Variants in CUL4A observed in about 807,000 individuals in gnomAD.
The protein encoded by CUL4A is cullin 4A.
In CUL4A, 16 loss-of-function variants were observed where a neutral mutation model predicts 95.5. That is an observed-to-expected ratio of 0.17 (90% CI 0.11 to 0.25). The LOEUF is 0.25. CUL4A is among the 10% of genes least tolerant of loss of function. CUL4A has a pLI of 1.00. For missense variants in CUL4A, 610 were observed against 937.0 expected, an observed-to-expected ratio of 0.65 and a Z score of 4.56; for synonymous variants, 380 against 353.1, an observed-to-expected ratio of 1.08 and a Z score of -0.85.
At chr13:113,242,796 G>A (rs1359002528) in intron 10 of CUL4A, among the ~76,000 whole-genome samples, 172 bp from the exon 11 acceptor site, 1 of 152,158 alleles carries the variant, frequency 6.6e-6, no homozygotes, top group South Asian at 2.1e-4. Flanking sequence ...AAAAAAAAGT[G>A]TATTCACTTA....
chr13:113,239,691 G>A (rs2041651488), intron 10 of CUL4A, 140 bp downstream of exon 10: 1 of 608,186 alleles, frequency 1.6e-6, no homozygotes, highest in South Asian at 2.2e-5. Context: ...AGATGATAGG[G>A]TGGACAGTAG....
chr13:113,241,906 C>T (rs2041723759), intron 10 of CUL4A, among the ~76,000 whole-genome samples: 1 of 152,066 alleles, frequency 6.6e-6, no homozygotes, highest in East Asian at 1.9e-4. Context: ...TTTTTTAAAT[C>T]CAATCATTGT....
intron 19 of CUL4A, among the ~76,000 whole-genome samples, 176 bp downstream of exon 19, chr13:113,260,935 T>G (rs3861724): frequency 1.3e-5 from 2 of 152,188 alleles, no homozygotes; most frequent in East Asian, 3.8e-4. Context: ...TGTTGCTCAT[T>G]GCCACTGCAG....
Position 113,244,986 on chromosome 13 carries a change from G to A in CUL4A, c.1371G>A (p.Leu457=). The A allele has an allele frequency of 6.2e-7, 1 of 1,613,794 alleles. No homozygotes were observed. Among genetic ancestry groups the A allele is most frequent in the Non-Finnish European group, 8.5e-7 (1 of 1,179,684 alleles). ...TTGAAGCATTTTATAAAAAAGATTT[G>A]GCAAAAAGACTCCTTGTTGGGAAAA... is the stretch of plus-strand genomic sequence containing the variant. ...DVFEAFYKKD[L]AKRLLVGKSA... is the part of the protein sequence containing the mutation. Residue 457 remains leucine (L), a synonymous_variant, in exon 13 of 20, where the codon TTG becomes TTA. Transcript: ENST00000375440.
intron 3 of CUL4A, among the ~76,000 whole-genome samples, chr13:113,221,038 G>T (rs1434639976): frequency 6.6e-6 from 1 of 152,224 alleles, no homozygotes; most frequent in African/African-American, 2.4e-5. Flanking sequence ...GGCATGTGAA[G>T]CATCTGGGGC....
rs1392315404 is a variant in CUL4A, at chr13:113,265,946, A to G, written c.*2364A>G. ...TCTGTGACTGAAGAAAGAATTCACC[A>G]AGTTAACCAGACACAAAATTAACAA... is the stretch of plus-strand genomic sequence containing the variant. On this transcript the variant is annotated 3_prime_UTR_variant, in exon 20 of 20. Coordinates refer to ENST00000375440, the MANE Select transcript of CUL4A (RefSeq NM_001008895.4). The G allele has an allele frequency of 6.6e-6, 1 of 152,226 alleles. No individual in the cohort carries two copies. The highest frequency in any genetic ancestry group is 1.9e-4 in the East Asian group (1 of 5,202). 9.4% of individuals were successfully genotyped at this position (152,226 alleles called of 1,614,324 possible). A position where few individuals can be genotyped will look rare whatever the true frequency, so the allele number is the denominator to read the frequency against.
rs376759372 is a variant in CUL4A, at chr13:113,233,230, A to G, written c.566A>G (p.Gln189Arg). Residue 189 changes from glutamine (Q) to arginine (R), a missense_variant, in exon 6 of 20, where the codon CAG (glutamine) becomes CGG (arginine). Gln to Arg is a conservative substitution (Grantham distance 43). Transcript: ENST00000375440. ...RTHIISDKMV[Q>R]SKTIDGILLL... is the part of the protein sequence containing the mutation. ...CATATTATTAGTGATAAAATGGTTCAGAGTAAAACCATTGATGGAATCCTA... is the reference window on the plus strand; with the variant it reads ...CATATTATTAGTGATAAAATGGTTCGGAGTAAAACCATTGATGGAATCCTA... 101 of 1,613,922 alleles carry G rather than the reference A, an allele frequency of 6.3e-5. No homozygotes were observed. The highest frequency in any genetic ancestry group is 8.3e-5 in the Non-Finnish European group (98 of 1,179,922).
intron 5 of CUL4A, among the ~76,000 whole-genome samples, chr13:113,232,142 A>C (rs2041354641): frequency 7.3e-6 from 1 of 136,142 alleles, no homozygotes; most frequent in African/African-American, 3.3e-5. Flanking sequence ...CTACCCGCCC[A>C]CCACCATTAC....
intron 10 of CUL4A, among the ~76,000 whole-genome samples, chr13:113,240,678 G>A (rs1394979498): frequency 6.6e-6 from 1 of 152,198 alleles, no homozygotes; most frequent in African/African-American, 2.4e-5. Flanking sequence ...TTTAGAAATG[G>A]AGGATAGATG....
intron 18 of CUL4A, among the ~76,000 whole-genome samples, chr13:113,258,283 G>A (rs1004951513): frequency 2.0e-5 from 3 of 152,156 alleles, no homozygotes; most frequent in Non-Finnish European, 4.4e-5. Context: ...GAGCCACCGT[G>A]CCCGGCACCA....
At chr13:113,247,715 C>G (rs2041891969) in intron 15 of CUL4A, among the ~76,000 whole-genome samples, 1 of 152,198 alleles carries the variant, frequency 6.6e-6, no homozygotes, top group Non-Finnish European at 1.5e-5. Context: ...AGCCTGCTTT[C>G]CACGCTGGCC....
chr13:113,243,205 T>C (rs2041769351), intron 11 of CUL4A, 45 bp downstream of exon 11: 1 of 1,533,202 alleles, frequency 6.5e-7, no homozygotes, highest in African/African-American at 1.4e-5. Flanking sequence ...TTTGAGACAG[T>C]CTCACCCATT....
chr13:113,262,850 T>C (rs2042320404), intron 19 of CUL4A: 1 of 135,128 alleles, frequency 7.4e-6, no homozygotes, highest in African/African-American at 2.8e-5. Context: ...TGATGGCAGA[T>C]GTCGGATCTG....
intron 2 of CUL4A, among the ~76,000 whole-genome samples, chr13:113,217,385 C>T (rs2040733640): frequency 6.6e-6 from 1 of 151,994 alleles, no homozygotes. Flanking sequence ...GTAGGAATTC[C>T]GTTTCTATAG....
chr13:113,222,471 G>A (rs1025816419), intron 3 of CUL4A, among the ~76,000 whole-genome samples: 1 of 151,994 alleles, frequency 6.6e-6, no homozygotes. Flanking sequence ...TCGTGGTCAC[G>A]TTGATTTGGA....
At chr13:113,228,693 G>T (rs2041196921) in intron 4 of CUL4A, among the ~76,000 whole-genome samples, 1 of 151,972 alleles carries the variant, frequency 6.6e-6, no homozygotes, top group East Asian at 1.9e-4. Flanking sequence ...GGATCATCCT[G>T]CATCCCTCAC....
intron 3 of CUL4A, chr13:113,219,520 C>T (rs143674688): frequency 4.8e-4 from 75 of 155,084 alleles, no homozygotes; most frequent in Admixed American, 1.1e-3. Context: ...TTTGCTAGCA[C>T]GGGCAGGCAG....
intron 8 of CUL4A, 91 bp downstream of exon 8, chr13:113,235,236 A>C (rs1566348981): frequency 4.7e-6 from 4 of 852,396 alleles, no homozygotes; most frequent in Non-Finnish European, 5.8e-6. Flanking sequence ...TGTCTTTGTC[A>C]ATTCATTCAG....
At chr13:113,240,574 C>T (rs1044294573) in intron 10 of CUL4A, among the ~76,000 whole-genome samples, 6 of 152,012 alleles carry the variant, frequency 3.9e-5, no homozygotes, top group Non-Finnish European at 8.8e-5. Context: ...AAAAGATAAA[C>T]AAAATTTCCA....
Sources: gnomAD v4.1 joint callset for allele counts (sites outside exome capture counted in the v4.1 genomes callset) on GRCh38, gnomAD v4.1.1 for gene constraint, MANE v1.5 for transcripts, NCBI Gene and HGNC (gene_info 2026-07-23, HGNC 2026-07-21) for gene names.